SYT1: variants seen among roughly 807,000 people sequenced by gnomAD.
SYT1 encodes the protein synaptotagmin 1, also known as synaptotagmin-1.
Under a neutral mutation model 44.8 loss-of-function variants are expected in SYT1, and 8 were observed. The observed-to-expected ratio is 0.18, with a 90% CI of 0.10 to 0.32. The LOEUF is 0.32. Ranked by LOEUF, SYT1 falls within the 10% of genes least tolerant of loss-of-function variation. The pLI is 1.00. For missense variants in SYT1, 286 were observed against 509.3 expected, an observed-to-expected ratio of 0.56 and a Z score of 4.22; for synonymous variants, 154 against 188.8, an observed-to-expected ratio of 0.82 and a Z score of 1.51.
intron 8 of SYT1, among the ~76,000 whole-genome samples, chr12:79,339,330 T>A (rs1024446852): frequency 3.8e-4 from 58 of 152,328 alleles, no homozygotes; most frequent in Non-Finnish European, 7.2e-4. Flanking sequence ...CTCCAGCACC[T>A]GTTGTTTCCT....
chr12:78,941,044 AC>A (rs1565728428), intron 1 of SYT1, among the ~76,000 whole-genome samples: 3 of 123,496 alleles, frequency 2.4e-5, no homozygotes, highest in Non-Finnish European at 3.4e-5. Flanking sequence ...TCTTTTCTTT[AC>A]TTTTTTTTTC....
intron 2 of SYT1, among the ~76,000 whole-genome samples, chr12:78,991,271 A>G (rs1869992627): frequency 6.6e-6 from 1 of 152,108 alleles, no homozygotes; most frequent in African/African-American, 2.4e-5. Flanking sequence ...AGGCAAATTT[A>G]TAATATGTAA....
At chr12:79,187,174 ACT>A (rs1299695613) in intron 3 of SYT1, among the ~76,000 whole-genome samples, 3 of 151,890 alleles carry the variant, frequency 2.0e-5, no homozygotes, top group African/African-American at 7.3e-5. Flanking sequence ...GTTTTATATA[ACT>A]CTCTCAGCCC....
intron 3 of SYT1, among the ~76,000 whole-genome samples, chr12:79,084,012 T>C (rs986272823): frequency 3.3e-5 from 5 of 152,080 alleles, no homozygotes; most frequent in Non-Finnish European, 7.4e-5. Flanking sequence ...AGGTTGAGGG[T>C]GTCCTATGTC....
At chr12:78,899,619 TTC>T (rs200403108) in intron 1 of SYT1, among the ~76,000 whole-genome samples, 1,468 of 141,168 alleles carry the variant, frequency 0.01, 26 homozygotes, top group African/African-American at 0.037. Flanking sequence ...AAAGAGTTTT[TTC>T]TTTTTTCTTA....
chr12:79,125,163 T>G (rs1868362937), intron 3 of SYT1, among the ~76,000 whole-genome samples: 1 of 152,136 alleles, frequency 6.6e-6, no homozygotes, highest in Admixed American at 6.5e-5. Flanking sequence ...GCAGATTGCT[T>G]TATCACAGAA....
chr12:79,384,014 T>C (rs1299496848), intron 9 of SYT1, among the ~76,000 whole-genome samples: 1 of 152,178 alleles, frequency 6.6e-6, no homozygotes, highest in Non-Finnish European at 1.5e-5. Flanking sequence ...AGTGGATGAT[T>C]TACCCTCCTC....
At chr12:79,026,665 TTTTA>T (rs1413256232) in intron 2 of SYT1, among the ~76,000 whole-genome samples, 53 of 67,408 alleles carry the variant, frequency 7.9e-4, no homozygotes, top group South Asian at 4.0e-3. Context: ...TACATATATA[TTTTA>T]TATATATATA....
chr12:79,407,192 C>G (rs562897650), intron 9 of SYT1, among the ~76,000 whole-genome samples: 1 of 152,024 alleles, frequency 6.6e-6, no homozygotes, highest in East Asian at 1.9e-4. Context: ...AGAACTCCCC[C>G]GGGATGATCT....
intron 8 of SYT1, among the ~76,000 whole-genome samples, chr12:79,330,633 A>C (rs1247712864): frequency 6.6e-6 from 1 of 152,230 alleles, no homozygotes; most frequent in Non-Finnish European, 1.5e-5. Context: ...AATACCTAGC[A>C]TATAGAAGCT....
rs370433532 is a variant in SYT1, at chr12:78,889,915, C to T, written c.-217+24806C>T. Among the ~76,000 whole-genome samples, 71 of 151,940 alleles carry T rather than the reference C, an allele frequency of 4.7e-4. 1 individual carries two copies. In the Middle Eastern group the frequency reaches 0.017, roughly 36 times the overall value. On this transcript the variant is annotated intron_variant, in intron 1 of 10. Transcript: ENST00000261205. ...TCCCAAAGGGGCTAAACACAGTTTTCCAATAACAAATCACATTATAGCAGT... is the reference window on the plus strand; with the variant it reads ...TCCCAAAGGGGCTAAACACAGTTTTTCAATAACAAATCACATTATAGCAGT...
chr12:79,211,917 A>G (rs1203108837), intron 3 of SYT1, among the ~76,000 whole-genome samples: 5 of 152,034 alleles, frequency 3.3e-5, no homozygotes, highest in Non-Finnish European at 5.9e-5. Flanking sequence ...CCTCACCTTC[A>G]CTATCTATAT....
chr12:79,142,980 T>C (rs779450634), intron 3 of SYT1, among the ~76,000 whole-genome samples: 1 of 152,166 alleles, frequency 6.6e-6, no homozygotes, highest in African/African-American at 2.4e-5. Context: ...CCTTGGCAAG[T>C]GAGAAGCAGA....
intron 3 of SYT1, among the ~76,000 whole-genome samples, chr12:79,050,218 G>A (rs1432289144): frequency 6.6e-6 from 1 of 152,018 alleles, no homozygotes; most frequent in Admixed American, 6.6e-5. Context: ...TAAGAAAATT[G>A]TAAGGAAGAG....
At chr12:79,309,843 A>C (rs1300366980) in intron 8 of SYT1, among the ~76,000 whole-genome samples, 2 of 152,212 alleles carry the variant, frequency 1.3e-5, no homozygotes, top group African/African-American at 2.4e-5. Context: ...GCTATCAGGA[A>C]TTAGTTTGGG....
At chr12:79,399,787 T>G (rs1443774354) in intron 9 of SYT1, among the ~76,000 whole-genome samples, 3 of 152,186 alleles carry the variant, frequency 2.0e-5, no homozygotes, top group East Asian at 3.9e-4. Context: ...GCCCAAGAAT[T>G]TCCATTTCTA....
chr12:79,299,992 CACAG>C (rs1880057365), intron 8 of SYT1, among the ~76,000 whole-genome samples: 1 of 152,276 alleles, frequency 6.6e-6, no homozygotes, highest in Admixed American at 6.5e-5. Context: ...TTCTGCATAT[CACAG>C]ACAGTTCATT....
At chr12:79,070,634 G>A (rs1876205276) in intron 3 of SYT1, among the ~76,000 whole-genome samples, 1 of 151,674 alleles carries the variant, frequency 6.6e-6, no homozygotes, top group African/African-American at 2.4e-5. Context: ...ATTCTGCAAA[G>A]CTAAACTAGA....
At chr12:78,978,831 C>T (rs1329952657) in intron 2 of SYT1, among the ~76,000 whole-genome samples, 1 of 152,096 alleles carries the variant, frequency 6.6e-6, no homozygotes, top group African/African-American at 2.4e-5. Context: ...TTTCTTTTCC[C>T]TGAGGAAGTT....
Sources: gnomAD v4.1 joint callset for allele counts (sites outside exome capture counted in the v4.1 genomes callset) on GRCh38, gnomAD v4.1.1 for gene constraint, MANE v1.5 for transcripts, NCBI Gene and HGNC (gene_info 2026-07-23, HGNC 2026-07-21) for gene names.